Variants in PLCH2 observed in about 807,000 individuals in gnomAD.
The protein encoded by PLCH2 is 1-phosphatidylinositol 4,5-bisphosphate phosphodiesterase eta-2.
PLCH2 carries 98 observed loss-of-function variants against 134.7 expected under a neutral mutation model. The ratio of observed to expected loss-of-function variants is 0.73; its 90% confidence interval spans 0.62 to 0.86. The LOEUF (loss-of-function observed/expected upper bound fraction) is 0.86, where lower values mean the gene tolerates loss of function less well. Ranked by LOEUF, PLCH2 falls within the 40% of genes least tolerant of loss-of-function variation. The pLI is 0.00. For synonymous variants in PLCH2, 974 were observed against 827.5 expected (o/e 1.18, Z -3.04); for missense variants, 1,994 against 1,986.6 (o/e 1.00, Z -0.07).
chr1:2,432,943 T>C (rs1013468132), intron 2 of PLCH2, among the ~76,000 whole-genome samples: 4 of 152,030 alleles, frequency 2.6e-5, no homozygotes, highest in Non-Finnish European at 5.9e-5. Flanking sequence ...ACGGGCTGGG[T>C]GGAAGAACCT....
rs911428560 is a variant in PLCH2, at chr1:2,498,101, G to A, written c.2225-422G>A. On this transcript the variant is annotated intron_variant, in intron 16 of 21. Coordinates refer to ENST00000378486, the MANE Select transcript of PLCH2 (RefSeq NM_014638.4). The surrounding 1 kb of genome is among the most constrained non-coding windows in gnomAD (Gnocchi z 5.4). ...GGAGAGGGCAGGACAGGGGCTGGGCGAGCAGGCCTCCCACTAGACCAGGCT... is the reference window on the plus strand; with the variant it reads ...GGAGAGGGCAGGACAGGGGCTGGGCAAGCAGGCCTCCCACTAGACCAGGCT... 11 of 239,140 alleles carry A rather than the reference G, an allele frequency of 4.6e-5. No homozygotes were observed. The highest frequency in any genetic ancestry group is 2.0e-4 in the African/African-American group (9 of 44,500). The allele number at this position is 239,140 out of a possible 1,614,324, so 14.8% of individuals were successfully genotyped here.
upstream of PLCH2, among the ~76,000 whole-genome samples, chr1:2,473,184 G>C (rs1641421571): frequency 6.6e-6 from 1 of 152,208 alleles, no homozygotes; most frequent in South Asian, 2.1e-4. Flanking sequence ...AAGAAAGGAA[G>C]GGGCTGCAGG....
chr1:2,480,166 C>T lies in PLCH2; in HGVS notation c.516-17C>T. On this transcript the variant is annotated splice_polypyrimidine_tract_variant and intron_variant, in intron 3 of 21. Coordinates refer to ENST00000378486, the MANE Select transcript of PLCH2 (RefSeq NM_014638.4). ...CTGGGCCCATGGATCGCTGTTGGCC[C>T]CTAACTCGGCACCAAAGTGGCTGAA... The T allele has an allele frequency of 6.2e-7, 1 of 1,612,558 alleles. No homozygotes were observed. Among genetic ancestry groups the T allele is most frequent in the Non-Finnish European group, 8.5e-7 (1 of 1,179,694 alleles).
rs577928989 is a variant in PLCH2, at chr1:2,503,160, G to A, written c.2959+751G>A. The A allele has an allele frequency of 2.0e-3, 1,261 of 636,624 alleles. 19 individuals carry two copies. In the South Asian group the frequency reaches 0.021, roughly 11 times the overall value. The allele number at this position is 636,624 out of a possible 1,614,324, so 39.4% of individuals were successfully genotyped here. On this transcript the variant is annotated intron_variant, in intron 21 of 21. Coordinates refer to ENST00000378486, the MANE Select transcript of PLCH2 (RefSeq NM_014638.4). ...GGTTTGAGGCCCGACAGGCTGGGAA[G>A]AACCAGCTGCTCTTGCTGAGGGTCT... is the stretch of plus-strand genomic sequence containing the variant.
In PLCH2 at chr1:2,498,044, C is replaced by A. The variant is rs559810379; in HGVS notation, c.2224+435C>A. ...TGCTGTGGATGACTTCCAGCTTGGT[C>A]CCCCTGTGGCCCTGGCAGGAGTATC... On this transcript the variant is annotated intron_variant, in intron 16 of 21. Transcript: ENST00000378486. This position sits in a 1 kb window ranked among gnomAD's most constrained non-coding sequence, Gnocchi z 5.4. The A allele has an allele frequency of 1.3e-4, 30 of 226,936 alleles. No individual in the cohort carries two copies. In the East Asian group the frequency reaches 2.7e-3, roughly 21 times the overall value. The allele number at this position is 226,936 out of a possible 1,614,324, so 14.1% of individuals were successfully genotyped here. A position where few individuals can be genotyped will look rare whatever the true frequency, so the allele number is the denominator to read the frequency against.
upstream of PLCH2, among the ~76,000 whole-genome samples, chr1:2,463,539 G>A (rs1022080128): frequency 6.6e-6 from 1 of 152,234 alleles, no homozygotes; most frequent in Non-Finnish European, 1.5e-5. Flanking sequence ...CTCGGAAGCT[G>A]AAACCGAGGC....
In PLCH2 at chr1:2,489,758, A is replaced by T; in HGVS notation, c.1408-2A>T. ...CCTCCCATCATGCACCTCCTCCCCC[A>T]GGGGAAGAAGCTCCCAGCCAACATC... On this transcript the variant is annotated splice_acceptor_variant, in intron 9 of 21. Transcript: ENST00000378486. LOFTEE classifies it high-confidence loss of function. The T allele has an allele frequency of 6.2e-7, 1 of 1,609,634 alleles. No individual in the cohort carries two copies.
rs12406076 is a variant in PLCH2, at chr1:2,448,111, C to T, written c.115+17482C>T. On this transcript the variant is annotated intron_variant, in intron 2 of 3. Coordinates refer to the PLCH2 transcript ENST00000609981. This position sits in a 1 kb window ranked among gnomAD's most constrained non-coding sequence, Gnocchi z 4.0. ...AGGCAAAGGTGACCCTTGTCAGGAA[C>T]GCTTTGCTGACAGCTGGGCTGCCCT... 5.3e-5 allele frequency among the ~76,000 whole-genome samples: 8 copies of T among 152,080 alleles called. No individual in the cohort carries two copies. The highest frequency in any genetic ancestry group is 1.2e-4 in the African/African-American group (5 of 41,432).
chr1:2,495,037 C>T, intron 12 of PLCH2, 89 bp downstream of exon 12: 1 of 893,300 alleles, frequency 1.1e-6, no homozygotes, highest in Non-Finnish European at 1.7e-6. Flanking sequence ...CTCCCAGTGC[C>T]CCGTGTCCTC....
intron 5 of PLCH2, among the ~76,000 whole-genome samples, chr1:2,485,189 C>T (rs973988503): frequency 1.1e-4 from 16 of 152,150 alleles, no homozygotes; most frequent in Non-Finnish European, 2.1e-4. Context: ...CCAAGAAATC[C>T]TGGCCATCCT....
At chr1:2,417,611 G>A in the PLCH2 span, among the ~76,000 whole-genome samples, 2 of 152,290 alleles carry the variant, frequency 1.3e-5, no homozygotes, top group African/African-American at 2.4e-5. Context: ...TGGAGAGTCC[G>A]GCCCTGTCCT....
At chr1:2,450,683 T>G (rs5020367) in intron 2 of PLCH2, among the ~76,000 whole-genome samples, 1,171 of 8,390 alleles carry the variant, frequency 0.14, 101 homozygotes, top group East Asian at 0.29. Flanking sequence ...CCTACCCCCC[T>G]CTCCCCGCCT....
chr1:2,489,549 C>CTCAG (rs1642455002), intron 9 of PLCH2, among the ~76,000 whole-genome samples, 171 bp downstream of exon 9: 1 of 152,244 alleles, frequency 6.6e-6, no homozygotes, highest in South Asian at 2.1e-4. Flanking sequence ...GTCACTCTGG[C>CTCAG]TCAGGCCCCT....
chr1:2,438,944 T>A (rs1639562771), intron 2 of PLCH2, among the ~76,000 whole-genome samples: 1 of 152,152 alleles, frequency 6.6e-6, no homozygotes, highest in South Asian at 2.1e-4. Flanking sequence ...TGGGCTGCCC[T>A]GCCCAGGGAT....
intron 2 of PLCH2, among the ~76,000 whole-genome samples, chr1:2,434,613 T>A (rs1472380169): frequency 6.6e-6 from 1 of 152,190 alleles, no homozygotes; most frequent in Non-Finnish European, 1.5e-5. Flanking sequence ...CGTGGGACCC[T>A]CCAGTCCCGG....
At chr1:2,436,516 TCCCTCCTCCTTTCCTCCTTCCTCCC>T (rs1639416741) in intron 2 of PLCH2, among the ~76,000 whole-genome samples, 3 of 43,024 alleles carry the variant, frequency 7.0e-5, no homozygotes, top group African/African-American at 5.4e-4. Flanking sequence ...TCCTCCTTCC[TCCCTCCTCCTTTCCTCCTTCCTCCC>T]TCCTCCCTTC....
intron 2 of PLCH2, among the ~76,000 whole-genome samples, chr1:2,437,804 T>C (rs1435920909): frequency 1.3e-5 from 2 of 152,158 alleles, no homozygotes; most frequent in Admixed American, 6.5e-5. Flanking sequence ...GGGAAACACA[T>C]GTGTACATAC....
chr1:2,436,483 T>A lies in PLCH2; in HGVS notation c.115+5854T>A, dbSNP rs1328333675. On this transcript the variant is annotated intron_variant, in intron 2 of 3. Transcript: ENST00000609981. ...TCCACCTTTCCTCCTTCCTCCCTCC[T>A]CCCCTCCTCCCTCCTCCTCCTTTCC... Among the ~76,000 whole-genome samples the A allele has an allele frequency of 1.5e-3, 44 of 29,920 alleles. 1 individual carries two copies. The highest frequency in any genetic ancestry group is 9.5e-3 in the African/African-American group (34 of 3,562). 19.6% of individuals were successfully genotyped at this position (29,920 alleles called of 152,430 possible). A position where few individuals can be genotyped will look rare whatever the true frequency, so the allele number is the denominator to read the frequency against.
intron 2 of PLCH2, among the ~76,000 whole-genome samples, chr1:2,446,251 G>A (rs1318205080): frequency 6.6e-6 from 1 of 152,236 alleles, no homozygotes; most frequent in Non-Finnish European, 1.5e-5. Context: ...AGGCCCCACT[G>A]GGACTCTTGT....
Sources: allele counts gnomAD v4.1 joint callset (sites outside exome capture counted in the v4.1 genomes callset), GRCh38; gene constraint gnomAD v4.1.1; non-coding constraint Gnocchi (gnomAD v3.1); transcripts MANE v1.5; gene names NCBI Gene and HGNC (gene_info 2026-07-23, HGNC 2026-07-21).